Variants in CGNL1 observed in about 807,000 individuals in gnomAD.
CGNL1 encodes the protein cingulin like 1, also known as cingulin-like protein 1.
A neutral mutation model predicts 141.2 loss-of-function variants in CGNL1; 132 were observed. That is an observed-to-expected ratio of 0.93 (90% CI 0.81 to 1.08). The LOEUF is 1.08. Among genes scored for constraint, CGNL1 ranks in the 50% least tolerant of loss-of-function variants. The pLI, the probability that CGNL1 is intolerant of heterozygous loss-of-function variation, is 0.00. For missense variants in CGNL1, 1,870 were observed against 1,588.6 expected, an observed-to-expected ratio of 1.18 and a Z score of -3.01; for synonymous variants, 690 against 622.1, an observed-to-expected ratio of 1.11 and a Z score of -1.63.
intron 10 of CGNL1, among the ~76,000 whole-genome samples, chr15:57,519,653 A>C (rs1370607137): frequency 6.6e-6 from 1 of 151,702 alleles, no homozygotes; most frequent in African/African-American, 2.4e-5. Flanking sequence ...TGTGGGGTTG[A>C]TTTTGTGTGG....
chr15:57,445,045 T>C (rs2063234353), intron 4 of CGNL1, among the ~76,000 whole-genome samples: 1 of 152,130 alleles, frequency 6.6e-6, no homozygotes, highest in African/African-American at 2.4e-5. Flanking sequence ...GAGGGTTTCT[T>C]GAGGCCAAGA....
At chr15:57,530,992 C>T (rs2140174980) in intron 13 of CGNL1, among the ~76,000 whole-genome samples, 1 of 152,326 alleles carries the variant, frequency 6.6e-6, no homozygotes, top group African/African-American at 2.4e-5. Context: ...GTGCTCAAGG[C>T]TGACAACCCC....
chr15:57,481,706 T>A (rs1268817123), intron 8 of CGNL1, among the ~76,000 whole-genome samples: 1 of 151,362 alleles, frequency 6.6e-6, no homozygotes, highest in Admixed American at 6.6e-5. Flanking sequence ...AGTGTGAATA[T>A]GTTTTAATTT....
intron 8 of CGNL1, among the ~76,000 whole-genome samples, chr15:57,515,447 T>A (rs1324269421): frequency 6.6e-6 from 1 of 152,246 alleles, no homozygotes; most frequent in East Asian, 1.9e-4. Context: ...CAGATACTTC[T>A]CCCACATGGT....
intron 13 of CGNL1, among the ~76,000 whole-genome samples, 160 bp from the exon 14 acceptor site, chr15:57,531,530 T>C (rs2031950799): frequency 6.6e-6 from 1 of 152,232 alleles, no homozygotes; most frequent in Non-Finnish European, 1.5e-5. Context: ...TTAAGAAATA[T>C]CTGCTTTGGG....
intron 12 of CGNL1, chr15:57,527,776 G>A (rs1272644736): frequency 1.3e-5 from 2 of 152,230 alleles, no homozygotes; most frequent in Non-Finnish European, 2.9e-5. Context: ...TAATGTGCCT[G>A]TGTATGTTGT....
chr15:57,517,055 A>T, intron 9 of CGNL1, 69 bp downstream of exon 9: 1 of 1,430,870 alleles, frequency 7.0e-7, no homozygotes, highest in Non-Finnish European at 9.6e-7. Flanking sequence ...AAGTGATTTC[A>T]AAAGTGGGGA....
intron 4 of CGNL1, among the ~76,000 whole-genome samples, chr15:57,445,675 G>T (rs1268913987): frequency 6.6e-6 from 1 of 152,228 alleles, no homozygotes; most frequent in Non-Finnish European, 1.5e-5. Flanking sequence ...AGGTAGGGAA[G>T]TACCTCATTC....
At chr15:57,377,835 G>C (rs1396896512) in intron 1 of CGNL1, among the ~76,000 whole-genome samples, 1 of 152,088 alleles carries the variant, frequency 6.6e-6, no homozygotes, top group African/African-American at 2.4e-5. Context: ...AATGATTTCA[G>C]ATTAAAAGGA....
chr15:57,475,296 G>A (rs1271239384), intron 8 of CGNL1, among the ~76,000 whole-genome samples: 4 of 151,846 alleles, frequency 2.6e-5, no homozygotes, highest in Non-Finnish European at 1.5e-5. Flanking sequence ...TGGTGAGCTT[G>A]GTGCCAGCCA....
At chr15:57,479,155 A>G (rs2063693201) in intron 8 of CGNL1, among the ~76,000 whole-genome samples, 1 of 152,134 alleles carries the variant, frequency 6.6e-6, no homozygotes. Context: ...TTTCCAGTAC[A>G]TTGGCTGGCA....
chr15:57,546,054 C>G lies in CGNL1; in HGVS notation c.3610-22C>G, dbSNP rs201405523. 755 of 1,604,584 alleles carry G rather than the reference C, an allele frequency of 4.7e-4. 2 individuals carry two copies. Among genetic ancestry groups the G allele is most frequent in the Middle Eastern group, 2.7e-3 (14 of 5,166 alleles). ...GGCTGGGCCATCAGCCGGCACTCAGCCCACATTCTCTCCCGGTGCAGCTGA... is the reference window on the plus strand; with the variant it reads ...GGCTGGGCCATCAGCCGGCACTCAGGCCACATTCTCTCCCGGTGCAGCTGA... On this transcript the variant is annotated intron_variant, in intron 17 of 18. Transcript: ENST00000281282.
At chr15:57,398,142 T>A (rs575369680) in intron 1 of CGNL1, among the ~76,000 whole-genome samples, 1 of 152,232 alleles carries the variant, frequency 6.6e-6, no homozygotes. Context: ...AATAGATGCT[T>A]ATTGTAAAGC....
At chr15:57,446,453 T>G (rs1358981709) in intron 4 of CGNL1, among the ~76,000 whole-genome samples, 2 of 152,168 alleles carry the variant, frequency 1.3e-5, no homozygotes, top group African/African-American at 4.8e-5. Context: ...TTTACATACA[T>G]AAAATTTTAC....
In CGNL1 at chr15:57,528,789, C is replaced by G. The variant is rs746164326; in HGVS notation, c.3175C>G (p.Arg1059Gly). The change falls in exon 13 of 19, where the codon CGC (arginine) becomes GGC (glycine). Residue 1059 changes from arginine (R) to glycine (G), a missense_variant. By Grantham distance (125) the Arg-to-Gly change is moderately radical. Transcript: ENST00000281282. ...LEAKSHLKDD[R>G]SRLVKQMEDK... ...AGCCAAGAGTCACCTCAAAGATGACCGCAGCAGGCTGGTCAAGCAGATGGA... is the reference window on the plus strand; with the variant it reads ...AGCCAAGAGTCACCTCAAAGATGACGGCAGCAGGCTGGTCAAGCAGATGGA... The G allele has an allele frequency of 5.0e-6, 8 of 1,613,838 alleles. No individual in the cohort carries two copies. The highest frequency in any genetic ancestry group is 5.1e-6 in the Non-Finnish European group (6 of 1,180,016).
At chr15:57,377,899 C>A (rs1250570490) in intron 1 of CGNL1, among the ~76,000 whole-genome samples, 1 of 152,170 alleles carries the variant, frequency 6.6e-6, no homozygotes, top group Non-Finnish European at 1.5e-5. Flanking sequence ...GAGACTCCCC[C>A]ACGTAGATAA....
At chr15:57,440,297 C>A (rs1277845143) in intron 2 of CGNL1, 80 bp from the exon 3 acceptor site, 1 of 982,586 alleles carries the variant, frequency 1.0e-6, no homozygotes, top group African/African-American at 1.6e-5. Context: ...AAGAAGGATG[C>A]TCACTGGAGG....
intron 8 of CGNL1, among the ~76,000 whole-genome samples, chr15:57,477,968 TGTGTA>T (rs1276578071): frequency 2.0e-5 from 3 of 152,238 alleles, no homozygotes; most frequent in African/African-American, 4.8e-5. Context: ...ACTTTGCCCC[TGTGTA>T]GCCACTGGTG....
rs147361991 is a variant in CGNL1 at position 57,423,949 on chromosome 15, C to T, written c.-15-14036C>T. Among the ~76,000 whole-genome samples, 741 of 152,340 alleles carry T rather than the reference C, an allele frequency of 4.9e-3. 15 individuals are homozygous for T. Among genetic ancestry groups the T allele is most frequent in the Admixed American group, 0.031 (472 of 15,308 alleles). ...CAGCTCGGTGCTGGAGCTCCATCCT[C>T]GCTTCTCCATCTATGTGACTTCCTA... On this transcript the variant is annotated intron_variant, in intron 1 of 18. Coordinates refer to ENST00000281282, the MANE Select transcript of CGNL1 (RefSeq NM_032866.5).
Sources: gnomAD v4.1 joint callset for allele counts (sites outside exome capture counted in the v4.1 genomes callset) on GRCh38, gnomAD v4.1.1 for gene constraint, MANE v1.5 for transcripts, NCBI Gene and HGNC (gene_info 2026-07-23, HGNC 2026-07-21) for gene names.